Variants in IGF1R observed in about 807,000 individuals in gnomAD.
The protein encoded by IGF1R is insulin like growth factor 1 receptor.
A neutral mutation model predicts 144.6 loss-of-function variants in IGF1R; 44 were observed. The ratio of observed to expected loss-of-function variants is 0.30; its 90% confidence interval spans 0.24 to 0.39. The LOEUF is 0.39. IGF1R is among the 10% of genes least tolerant of loss of function. The pLI, the probability that IGF1R is intolerant of heterozygous loss-of-function variation, is 1.00. For synonymous variants in IGF1R, 795 were observed against 722.8 expected, an observed-to-expected ratio of 1.10 and a Z score of -1.60; for missense variants, 1,355 against 1,833.7, an observed-to-expected ratio of 0.74 and a Z score of 4.77.
chr15:98,944,178 C>T (rs545353923), intron 19 of IGF1R, among the ~76,000 whole-genome samples: 1 of 152,234 alleles, frequency 6.6e-6, no homozygotes, highest in South Asian at 2.1e-4. Context: ...TGGAGGTCAG[C>T]TTGTAGTATA....
At chr15:98,761,562 G>T (rs1265922807) in intron 2 of IGF1R, among the ~76,000 whole-genome samples, 1 of 152,198 alleles carries the variant, frequency 6.6e-6, no homozygotes, top group Admixed American at 6.5e-5. Flanking sequence ...CTGTGTGCAG[G>T]TACTACCACT....
chr15:98,765,304 A>G (rs1227303858), intron 2 of IGF1R, among the ~76,000 whole-genome samples: 2 of 129,134 alleles, frequency 1.5e-5, no homozygotes, highest in Admixed American at 8.9e-5. Context: ...GATCATGCCA[A>G]CACCTTTTTT....
chr15:98,884,394 A>G (rs1480008626), intron 2 of IGF1R, among the ~76,000 whole-genome samples: 2 of 152,092 alleles, frequency 1.3e-5, no homozygotes, highest in African/African-American at 4.8e-5. Context: ...GTACCCCTCA[A>G]AAGAAAAGTT....
intron 1 of IGF1R, among the ~76,000 whole-genome samples, chr15:98,672,213 C>T (rs1199696793): frequency 6.6e-6 from 1 of 152,130 alleles, no homozygotes; most frequent in African/African-American, 2.4e-5. Flanking sequence ...TCCAAAGTAA[C>T]CAAGAAAATG....
At chr15:98,929,504 A>G in intron 13 of IGF1R, 54 bp from the exon 14 acceptor site, 2 of 1,366,710 alleles carry the variant, frequency 1.5e-6, no homozygotes, top group East Asian at 2.3e-5. Context: ...AAGAAATGAA[A>G]TGAGCAAATT....
chr15:98,954,872 C>A (rs2016917724), intron 20 of IGF1R, among the ~76,000 whole-genome samples: 2 of 152,146 alleles, frequency 1.3e-5, no homozygotes, highest in Non-Finnish European at 2.9e-5. Context: ...TCAATGCAAA[C>A]CACATCCCTG....
At chr15:98,737,271 C>G (rs546690374) in intron 2 of IGF1R, among the ~76,000 whole-genome samples, 112 of 152,282 alleles carry the variant, frequency 7.4e-4, no homozygotes, top group African/African-American at 2.6e-3. Context: ...CTTGGGAACC[C>G]CAGCGTGGCA....
intron 20 of IGF1R, 104 bp from the exon 21 acceptor site, chr15:98,956,957 C>T (rs374714832): frequency 1.8e-5 from 24 of 1,312,016 alleles, no homozygotes; most frequent in Admixed American, 5.1e-5. Flanking sequence ...TCAGTGCTCC[C>T]GCCGTACGCT....
rs752908056 is a variant in IGF1R, at chr15:98,896,893, A to C, written c.1090A>C (p.Ile364Leu). The C allele has an allele frequency of 1.2e-6, 2 of 1,614,114 alleles. No homozygotes were observed. The highest frequency in any genetic ancestry group is 1.7e-6 in the Non-Finnish European group (2 of 1,180,004). The change falls in exon 4 of 21, where the codon ATC becomes CTC. Residue 364 changes from isoleucine to leucine, a missense_variant. Physicochemically the swap from Ile to Leu is conservative, Grantham distance 5. Around this residue, in one of 7 missense-constraint regions of IGF1R, gnomAD observed 880 missense variants for 1,202.7 expected, o/e 0.73. Coordinates refer to ENST00000650285, the MANE Select transcript of IGF1R (RefSeq NM_000875.5). ...TIFKGNLLIN[I>L]RRGNNIASEL... The stretch of plus-strand genomic sequence containing the variant: ...CTTCAAGGGCAATTTGCTCATTAAC[A>C]TCCGACGGGGGAGTAAGTATTCCAT...
At chr15:98,780,872 A>G (rs2055846113) in intron 2 of IGF1R, among the ~76,000 whole-genome samples, 1 of 152,124 alleles carries the variant, frequency 6.6e-6, no homozygotes, top group Non-Finnish European at 1.5e-5. Flanking sequence ...ATGTATTTAC[A>G]GAAAATCTAC....
chr15:98,694,265 G>A (rs2053546575), intron 1 of IGF1R, among the ~76,000 whole-genome samples: 1 of 152,166 alleles, frequency 6.6e-6, no homozygotes, highest in African/African-American at 2.4e-5. Flanking sequence ...TATTAAAGGG[G>A]TGAGGCGGCT....
intron 8 of IGF1R, among the ~76,000 whole-genome samples, chr15:98,915,556 G>A (rs1359113873): frequency 6.6e-6 from 1 of 152,186 alleles, no homozygotes; most frequent in African/African-American, 2.4e-5. Context: ...AATCTCAGAT[G>A]AAATCCAAGT....
intron 2 of IGF1R, among the ~76,000 whole-genome samples, chr15:98,832,337 C>T (rs2057016943): frequency 6.6e-6 from 1 of 152,116 alleles, no homozygotes; most frequent in South Asian, 2.1e-4. Context: ...TCACAAGTGC[C>T]TTATTCCCCA....
chr15:98,866,670 A>T (rs1596374425), intron 2 of IGF1R, among the ~76,000 whole-genome samples: 1 of 152,238 alleles, frequency 6.6e-6, no homozygotes, highest in East Asian at 1.9e-4. Context: ...TCTGACTCAG[A>T]CCTTCAGGAG....
intron 2 of IGF1R, among the ~76,000 whole-genome samples, chr15:98,867,403 T>C (rs1422214831): frequency 1.3e-5 from 2 of 152,198 alleles, no homozygotes; most frequent in Non-Finnish European, 2.9e-5. Context: ...TCTGTTGAAA[T>C]ACATAAATTC....
At chr15:98,855,497 A>G (rs1475470132) in intron 2 of IGF1R, among the ~76,000 whole-genome samples, 2 of 152,256 alleles carry the variant, frequency 1.3e-5, no homozygotes, top group Admixed American at 6.5e-5. Flanking sequence ...GACTGCAGAA[A>G]GAATTACAGA....
intron 1 of IGF1R, among the ~76,000 whole-genome samples, chr15:98,706,255 G>T (rs185386832): frequency 6.6e-6 from 1 of 152,334 alleles, no homozygotes; most frequent in East Asian, 1.9e-4. Context: ...TACATGTTGG[G>T]TGCTTCCCAA....
intron 2 of IGF1R, among the ~76,000 whole-genome samples, chr15:98,885,774 C>A (rs572167092): frequency 6.6e-6 from 1 of 150,992 alleles, no homozygotes; most frequent in African/African-American, 2.4e-5. Flanking sequence ...CCAGGTGGCC[C>A]CTCTTTCATG....
At chr15:98,907,131 G>T (rs1480480192) in intron 5 of IGF1R, among the ~76,000 whole-genome samples, 1 of 152,234 alleles carries the variant, frequency 6.6e-6, no homozygotes, top group Non-Finnish European at 1.5e-5. Context: ...TGGCTGTGCA[G>T]CTCATTCATG....
Sources: allele counts gnomAD v4.1 joint callset (sites outside exome capture counted in the v4.1 genomes callset), GRCh38; gene constraint gnomAD v4.1.1; regional missense constraint gnomAD v4.1.1; transcripts MANE v1.5; gene names NCBI Gene and HGNC (gene_info 2026-07-23, HGNC 2026-07-21).